The following TASP1 variants were observed in gnomAD, a reference collection of about 807,000 sequenced individuals.
TASP1 encodes the protein taspase 1.
TASP1 carries 16 observed loss-of-function variants against 56.6 expected under a neutral mutation model. The ratio of observed to expected loss-of-function variants is 0.28; its 90% CI spans 0.19 to 0.43. The LOEUF (loss-of-function observed/expected upper bound fraction) is 0.43. TASP1 is among the 20% of genes least tolerant of loss of function. The probability of loss-of-function intolerance (pLI) is 1.00; values close to 1 mark genes in which losing one functional copy is unlikely to be tolerated. For missense variants in TASP1, 393 were observed against 511.6 expected, an observed-to-expected ratio of 0.77 and a Z score of 2.24; for synonymous variants, 179 against 184.2, an observed-to-expected ratio of 0.97 and a Z score of 0.23.
intron 11 of TASP1, among the ~76,000 whole-genome samples, chr20:13,455,699 G>T (rs1275117684): frequency 6.6e-6 from 1 of 152,138 alleles, no homozygotes; most frequent in Non-Finnish European, 1.5e-5. Flanking sequence ...AATGTGTCTT[G>T]TTCATGCCCT....
chr20:13,500,305 G>C (rs979383519), intron 10 of TASP1, among the ~76,000 whole-genome samples: 2 of 143,174 alleles, frequency 1.4e-5, no homozygotes, highest in Non-Finnish European at 3.0e-5. Flanking sequence ...TAGATGCATG[G>C]AATAAGAAAG....
the TASP1 span, chr20:13,299,878 C>T: frequency 1.3e-5 from 2 of 158,636 alleles, no homozygotes. The surrounding 1 kb of genome is among the most constrained non-coding windows in gnomAD (Gnocchi z 5.8). Context: ...CTTAATTAAG[C>T]GTAACCTTTT....
At chr20:13,310,040 A>C in the TASP1 span, among the ~76,000 whole-genome samples, 1 of 152,222 alleles carries the variant, frequency 6.6e-6, no homozygotes, top group Non-Finnish European at 1.5e-5. Context: ...AATTCGATGC[A>C]ATCCCTAACA....
At chr20:13,275,968 C>T in the TASP1 span, among the ~76,000 whole-genome samples, 32 of 152,202 alleles carry the variant, frequency 2.1e-4, no homozygotes, top group Non-Finnish European at 4.4e-4. Context: ...TGCTGCAAGT[C>T]TCAAAGCAGT....
intron 10 of TASP1, among the ~76,000 whole-genome samples, chr20:13,495,346 C>T (rs987174463): frequency 3.3e-5 from 5 of 152,088 alleles, no homozygotes; most frequent in Admixed American, 6.5e-5. Flanking sequence ...TATTTAGAGG[C>T]CAAATAAAGT....
intron 11 of TASP1, among the ~76,000 whole-genome samples, chr20:13,462,880 CA>C (rs2044107647): frequency 6.6e-6 from 1 of 151,836 alleles, no homozygotes; most frequent in African/African-American, 2.4e-5. Flanking sequence ...ATTAAAGGTA[CA>C]AAAAATGGAA....
At chr20:13,106,465 T>TCAG in the TASP1 span, among the ~76,000 whole-genome samples, 1 of 151,996 alleles carries the variant, frequency 6.6e-6, no homozygotes, top group Non-Finnish European at 1.5e-5. Flanking sequence ...CGAGAAGAGT[T>TCAG]TGGGTTAAGA....
chr20:13,223,585 A>G, the TASP1 span, among the ~76,000 whole-genome samples: 1 of 152,246 alleles, frequency 6.6e-6, no homozygotes, highest in Non-Finnish European at 1.5e-5. Context: ...ACAAAACAGT[A>G]GAAAAGTACA....
chr20:13,394,318 A>AAAAAAAAAAAAAAAAAAAAAAAAAAAAAG (rs1568741093), intron 13 of TASP1, among the ~76,000 whole-genome samples: 1 of 146,522 alleles, frequency 6.8e-6, no homozygotes, highest in African/African-American at 2.6e-5. Context: ...AAAAAAAAAA[A>AAAAAAAAAAAAAAAAAAAAAAAAAAAAAG]AAAAAAAAAA....
At chr20:13,135,554 A>G in the TASP1 span, among the ~76,000 whole-genome samples, 1 of 152,244 alleles carries the variant, frequency 6.6e-6, no homozygotes, top group East Asian at 1.9e-4. Context: ...TGAAACAGCA[A>G]CTATATATCT....
At chr20:13,212,290 G>C in the TASP1 span, among the ~76,000 whole-genome samples, 41,830 of 152,030 alleles carry the variant, frequency 0.28, 6,092 homozygotes, top group African/African-American at 0.35. Flanking sequence ...TTAGGAGCCT[G>C]GGTCCCCTCA....
In TASP1 at chr20:13,638,912, T is replaced by A. The variant is rs973322402; in HGVS notation, c.-93A>T. On this transcript the variant is annotated 5_prime_UTR_variant, in exon 1 of 14. The change creates a new upstream start codon in the 5' untranslated region. Transcript: ENST00000337743. ...CACTCACCCGCTTCAGCCCCGAGCC[T>A]TCACTGCACCGGAAGTAGTCACCCG... 3 of 152,336 alleles carry A rather than the reference T, an allele frequency of 2.0e-5. No individual in the cohort carries two copies. Among genetic ancestry groups the A allele is most frequent in the African/African-American group, 4.8e-5 (2 of 41,438 alleles). 9.4% of individuals were successfully genotyped at this position (152,336 alleles called of 1,614,324 possible).
chr20:13,206,247 G>A, the TASP1 span, among the ~76,000 whole-genome samples: 1 of 152,086 alleles, frequency 6.6e-6, no homozygotes, highest in Non-Finnish European at 1.5e-5. Flanking sequence ...ACACACACTT[G>A]GTGGCATCTT....
chr20:13,182,488 T>A, the TASP1 span, among the ~76,000 whole-genome samples: 1 of 152,166 alleles, frequency 6.6e-6, no homozygotes, highest in East Asian at 1.9e-4. Flanking sequence ...TCCTACATCC[T>A]CTGTTTTTAC....
At chr20:13,246,260 G>A in the TASP1 span, among the ~76,000 whole-genome samples, 6 of 144,118 alleles carry the variant, frequency 4.2e-5, no homozygotes, top group East Asian at 4.0e-4. Context: ...GCAACACAGC[G>A]AGACTCCATC....
chr20:13,508,919 A>C (rs890012735), intron 10 of TASP1, among the ~76,000 whole-genome samples: 2 of 152,306 alleles, frequency 1.3e-5, no homozygotes, highest in African/African-American at 4.8e-5. Context: ...CATTCTGGAA[A>C]ACAACATGGA....
the TASP1 span, among the ~76,000 whole-genome samples, chr20:13,160,782 A>T: frequency 6.6e-6 from 1 of 152,228 alleles, no homozygotes; most frequent in African/African-American, 2.4e-5. Flanking sequence ...GCTAATAAAC[A>T]AGCAACACAT....
intron 10 of TASP1, among the ~76,000 whole-genome samples, chr20:13,525,256 G>A (rs2044928837): frequency 6.6e-6 from 1 of 152,156 alleles, no homozygotes; most frequent in Non-Finnish European, 1.5e-5. Flanking sequence ...TACAGTAATG[G>A]TAGATATTAT....
At chr20:13,314,388 C>T in the TASP1 span, among the ~76,000 whole-genome samples, 1 of 151,830 alleles carries the variant, frequency 6.6e-6, no homozygotes, top group African/African-American at 2.4e-5. Flanking sequence ...AGGGAAAAAA[C>T]ACCTTATCTA....
Sources: allele counts gnomAD v4.1 joint callset (sites outside exome capture counted in the v4.1 genomes callset), GRCh38; gene constraint gnomAD v4.1.1; non-coding constraint Gnocchi (gnomAD v3.1); transcripts MANE v1.5; gene names NCBI Gene and HGNC (gene_info 2026-07-23, HGNC 2026-07-21).